SEMA3A: variants seen among roughly 807,000 people sequenced by gnomAD.
SEMA3A encodes semaphorin-3A.
In SEMA3A, 29 loss-of-function variants were observed where a neutral mutation model predicts 97.9. The ratio of observed to expected loss-of-function variants is 0.30; its 90% CI spans 0.22 to 0.40. The LOEUF is 0.40. SEMA3A is among the 10% of genes least tolerant of loss of function. The pLI is 1.00. For missense variants in SEMA3A, 763 were observed against 951.3 expected (o/e 0.80, Z 2.60); for synonymous variants, 321 against 323.7 (o/e 0.99, Z 0.09).
At chr7:84,355,566 A>C (rs2116040808) in intron 2 of SEMA3A, among the ~76,000 whole-genome samples, 1 of 151,990 alleles carries the variant, frequency 6.6e-6, no homozygotes. Context: ...ATACTGTAAT[A>C]ATGGGATAAT....
intron 1 of SEMA3A, among the ~76,000 whole-genome samples, chr7:84,416,998 T>TA: frequency 6.6e-6 from 1 of 152,184 alleles, no homozygotes; most frequent in East Asian, 1.9e-4. Flanking sequence ...CTTGAAATTT[T>TA]AAAAACTTTT....
Position 84,005,400 on chromosome 7 carries a change from T to C in SEMA3A, c.1299A>G (p.Gln433=), listed in dbSNP as rs767618418. Reference sequence around the variant, plus strand: ...CTGCATCCACTCGGTCTACGACAATTTGTGTAAATTGATAATTTACATCCG... The same window carrying C: ...CTGCATCCACTCGGTCTACGACAATCTGTGTAAATTGATAATTTACATCCG... The part of the protein sequence containing the change: ...IKTDVNYQFT[Q]IVVDRVDAED... Residue 433 remains glutamine (Q), a synonymous_variant, in exon 11 of 17, where the codon CAA becomes CAG. Transcript: ENST00000265362. 3 of 1,613,860 alleles carry C rather than the reference T, an allele frequency of 1.9e-6. No homozygotes were observed. The highest frequency in any genetic ancestry group is 2.2e-5 in the South Asian group (2 of 91,072).
intron 1 of SEMA3A, among the ~76,000 whole-genome samples, chr7:84,414,410 A>C (rs1347564796): frequency 6.6e-6 from 1 of 150,724 alleles, no homozygotes; most frequent in Non-Finnish European, 1.5e-5. Context: ...AAAAAAAAAA[A>C]CAGTATTGTT....
At chr7:84,143,488 A>G (rs1796359912) in intron 1 of SEMA3A, among the ~76,000 whole-genome samples, 1 of 152,106 alleles carries the variant, frequency 6.6e-6, no homozygotes, top group Non-Finnish European at 1.5e-5. Context: ...GATTGCATCC[A>G]TAGATGCTTT....
At chr7:83,978,778 C>A (rs1286784612) in intron 14 of SEMA3A, among the ~76,000 whole-genome samples, 1 of 152,104 alleles carries the variant, frequency 6.6e-6, no homozygotes, top group East Asian at 1.9e-4. Context: ...TTTTCACTGC[C>A]ATTTAAGATT....
At chr7:83,991,041 T>G (rs1328788643) in intron 12 of SEMA3A, among the ~76,000 whole-genome samples, 4 of 150,754 alleles carry the variant, frequency 2.7e-5, no homozygotes, top group Non-Finnish European at 5.9e-5. Context: ...TCACATCCCT[T>G]GTAAGTTGTA....
chr7:84,349,190 C>A (rs1192918297), intron 2 of SEMA3A, among the ~76,000 whole-genome samples: 1 of 152,050 alleles, frequency 6.6e-6, no homozygotes, highest in Non-Finnish European at 1.5e-5. Context: ...CTATTAATTG[C>A]CCCTGGCTTC....
intron 3 of SEMA3A, among the ~76,000 whole-genome samples, chr7:84,114,737 G>A (rs1795375429): frequency 6.6e-6 from 1 of 151,784 alleles, no homozygotes; most frequent in Non-Finnish European, 1.5e-5. Flanking sequence ...CTCTATTTAA[G>A]CTTTTCCACA....
chr7:84,184,949 C>G (rs1466107431), intron 1 of SEMA3A, among the ~76,000 whole-genome samples: 1 of 152,140 alleles, frequency 6.6e-6, no homozygotes, highest in Non-Finnish European at 1.5e-5. Flanking sequence ...CCACAAATGA[C>G]AGATCACAGC....
chr7:84,349,707 C>A (rs1802388907), intron 2 of SEMA3A, among the ~76,000 whole-genome samples: 1 of 152,164 alleles, frequency 6.6e-6, no homozygotes, highest in Non-Finnish European at 1.5e-5. Flanking sequence ...TCTATGGCCT[C>A]CATATAAATT....
intron 3 of SEMA3A, among the ~76,000 whole-genome samples, chr7:84,296,163 C>T (rs575666851): frequency 6.6e-6 from 1 of 152,146 alleles, no homozygotes; most frequent in African/African-American, 2.4e-5. Context: ...ACCTGAGTAG[C>T]TGGGATTAGT....
Position 84,256,207 on chromosome 7 carries a change from A to G in SEMA3A, c.-83+51000T>C, listed in dbSNP as rs548879127. 2.0e-5 allele frequency among the ~76,000 whole-genome samples: 3 copies of G among 152,180 alleles called. No homozygotes were observed. In the East Asian group the frequency reaches 5.8e-4, roughly 29 times the overall value. ...AGGTGGAAAAGTGTTGCTTTAACAT[A>G]CCTAGTAGTCAATAAGTGGTATGTG... On this transcript the variant is annotated intron_variant, in intron 3 of 3. Coordinates refer to the SEMA3A transcript ENST00000424555.
At chr7:84,235,446 A>C (rs1219596894) in intron 3 of SEMA3A, among the ~76,000 whole-genome samples, 2 of 151,958 alleles carry the variant, frequency 1.3e-5, no homozygotes, top group Non-Finnish European at 2.9e-5. Context: ...TCTGGTATTG[A>C]AATTTTGATT....
At chr7:84,331,435 G>A (rs1269719847) in intron 2 of SEMA3A, among the ~76,000 whole-genome samples, 1 of 152,096 alleles carries the variant, frequency 6.6e-6, no homozygotes, top group Non-Finnish European at 1.5e-5. Flanking sequence ...TACTTTAACT[G>A]TTTCAAATTC....
intron 4 of SEMA3A, among the ~76,000 whole-genome samples, chr7:84,076,977 A>C (rs2115778468): frequency 6.6e-6 from 1 of 152,282 alleles, no homozygotes; most frequent in South Asian, 2.1e-4. Flanking sequence ...CATGTAGATT[A>C]TCTTTTTAAT....
At chr7:84,476,108 G>C (rs1806273540) in intron 1 of SEMA3A, among the ~76,000 whole-genome samples, 1 of 152,022 alleles carries the variant, frequency 6.6e-6, no homozygotes. Flanking sequence ...TGTAGTCCCA[G>C]CACTTTGGGA....
intron 2 of SEMA3A, among the ~76,000 whole-genome samples, chr7:84,353,982 C>A (rs1802496291): frequency 6.6e-6 from 1 of 151,280 alleles, no homozygotes; most frequent in South Asian, 2.1e-4. Context: ...GATGTTATCT[C>A]TACACATTAA....
chr7:84,361,648 T>A (rs1169587618), intron 2 of SEMA3A, among the ~76,000 whole-genome samples: 2 of 152,058 alleles, frequency 1.3e-5, no homozygotes, highest in African/African-American at 4.8e-5. Flanking sequence ...AATGATACCC[T>A]AATTACAATG....
At chr7:84,485,433 T>G (rs1428989450) in intron 1 of SEMA3A, among the ~76,000 whole-genome samples, 1 of 151,774 alleles carries the variant, frequency 6.6e-6, no homozygotes, top group Non-Finnish European at 1.5e-5. Flanking sequence ...TGGAGTGCAG[T>G]GGGGCGATCA....
Sources: gnomAD v4.1 joint callset for allele counts (sites outside exome capture counted in the v4.1 genomes callset) on GRCh38, gnomAD v4.1.1 for gene constraint, MANE v1.5 for transcripts, NCBI Gene and HGNC (gene_info 2026-07-23, HGNC 2026-07-21) for gene names.